SLCO1C1: variants seen among roughly 807,000 people sequenced by gnomAD.
SLCO1C1 encodes the protein OAT-RP-5.
Under a neutral mutation model 76.4 loss-of-function variants are expected in SLCO1C1, and 70 were observed. The ratio of observed to expected loss-of-function variants is 0.92; its 90% CI spans 0.76 to 1.12. SLCO1C1 has a LOEUF of 1.12. Ranked by LOEUF, SLCO1C1 falls within the 50% of genes most tolerant of loss-of-function variation. The pLI is 0.00. For missense variants in SLCO1C1, 912 were observed against 823.8 expected, an observed-to-expected ratio of 1.11 and a Z score of -1.31; for synonymous variants, 306 against 286.1, an observed-to-expected ratio of 1.07 and a Z score of -0.70.
rs1354943468 is a variant in SLCO1C1 at position 20,695,710 on chromosome 12, G to C, written c.-123G>C. On this transcript the variant is annotated 5_prime_UTR_variant, in exon 1 of 15. Transcript: ENST00000266509. ...GGCAAAATTGTTCAAAATTGCTGTGGAGTTTACCTCAGTTTCCTCTTTCAG... is the reference window on the plus strand; with the variant it reads ...GGCAAAATTGTTCAAAATTGCTGTGCAGTTTACCTCAGTTTCCTCTTTCAG... The C allele has an allele frequency of 1.3e-5, 2 of 152,042 alleles. No homozygotes were observed. The highest frequency in any genetic ancestry group is 4.8e-5 in the African/African-American group (2 of 41,368). 9.4% of individuals were successfully genotyped at this position (152,042 alleles called of 1,614,324 possible). A position where few individuals can be genotyped will look rare whatever the true frequency, so the allele number is the denominator to read the frequency against.
intron 5 of SLCO1C1, among the ~76,000 whole-genome samples, chr12:20,713,064 C>T (rs1312855724): frequency 2.7e-5 from 4 of 146,852 alleles, no homozygotes; most frequent in Non-Finnish European, 4.5e-5. Context: ...ATACAATGTA[C>T]GGCCAGGGAA....
chr12:20,751,841 C>G (rs546664984), intron 14 of SLCO1C1, among the ~76,000 whole-genome samples: 1 of 152,256 alleles, frequency 6.6e-6, no homozygotes, highest in African/African-American at 2.4e-5. Flanking sequence ...TTCTGCTTTA[C>G]TCAGAGCTCC....
chr12:20,744,572 G>A (rs1467672806), intron 13 of SLCO1C1, among the ~76,000 whole-genome samples: 4 of 151,962 alleles, frequency 2.6e-5, no homozygotes, highest in Non-Finnish European at 4.4e-5. Context: ...TAGAAAGATG[G>A]TCAAATTAGC....
At chr12:20,725,513 A>T (rs1378164886) in intron 9 of SLCO1C1, among the ~76,000 whole-genome samples, 1 of 147,700 alleles carries the variant, frequency 6.8e-6, no homozygotes, top group African/African-American at 2.5e-5. Context: ...AAAAGCAGAA[A>T]ACAACATTCC....
chr12:20,741,416 G>C (rs1948811313), intron 12 of SLCO1C1, among the ~76,000 whole-genome samples: 1 of 151,914 alleles, frequency 6.6e-6, no homozygotes, highest in Admixed American at 6.6e-5. Context: ...TTGATTTCTG[G>C]TATATTATAA....
intron 13 of SLCO1C1, among the ~76,000 whole-genome samples, chr12:20,744,209 G>A (rs1394697440): frequency 6.6e-6 from 1 of 152,046 alleles, no homozygotes; most frequent in Non-Finnish European, 1.5e-5. Context: ...GTATTAGCTA[G>A]AAAAGTGTCA....
At chr12:20,740,422 G>C (rs1948750339) in intron 12 of SLCO1C1, 54 bp downstream of exon 12, 1 of 1,487,194 alleles carries the variant, frequency 6.7e-7, no homozygotes, top group East Asian at 2.4e-5. Context: ...ATCATCTCGA[G>C]CAATGATTTA....
At position 20,721,563 on chromosome 12, in the gene SLCO1C1, C is replaced by CA. The variant is rs1041399159; in HGVS notation, c.776-234dup. 4.0e-5 allele frequency among the ~76,000 whole-genome samples: 6 copies of CA among 151,570 alleles called. No individual in the cohort carries two copies. In the South Asian group the frequency reaches 1.0e-3, roughly 26 times the overall value. On this transcript the variant is annotated intron_variant, in intron 7 of 14. Coordinates refer to ENST00000266509, the MANE Select transcript of SLCO1C1 (RefSeq NM_017435.5). ...CATAACTTTTGTATGCCCTGGGAAA[C>CA]AAAAAAATTGATGTGATTCTGTATT...
At chr12:20,730,533 A>C in intron 9 of SLCO1C1, among the ~76,000 whole-genome samples, 1 of 152,202 alleles carries the variant, frequency 6.6e-6, no homozygotes, top group South Asian at 2.1e-4. Flanking sequence ...ATTATTTTTG[A>C]AATAGTAATC....
intron 11 of SLCO1C1, among the ~76,000 whole-genome samples, chr12:20,738,338 T>A (rs556716832): frequency 6.6e-6 from 1 of 152,310 alleles, no homozygotes; most frequent in African/African-American, 2.4e-5. Context: ...TCTCTGAGAC[T>A]GCTTTCTATT....
intron 7 of SLCO1C1, among the ~76,000 whole-genome samples, chr12:20,718,189 C>T (rs1030589146): frequency 6.6e-6 from 1 of 152,068 alleles, no homozygotes; most frequent in African/African-American, 2.4e-5. Flanking sequence ...ATGCGATGAG[C>T]AGTACAGAGG....
chr12:20,701,707 T>A lies in SLCO1C1; in HGVS notation c.271+248T>A, dbSNP rs185909120. 7.2e-5 allele frequency among the ~76,000 whole-genome samples: 11 copies of A among 151,832 alleles called. No individual in the cohort carries two copies. The East Asian group carries it at 2.1e-3, about 30-fold the overall frequency. ...GGTTCACACAATTCAGAGTTCTACA[T>A]CAGAGTAAGTGACTTTCTTGGAGGA... On this transcript the variant is annotated intron_variant, in intron 3 of 14. Transcript: ENST00000266509.
intron 7 of SLCO1C1, among the ~76,000 whole-genome samples, chr12:20,717,885 A>T (rs1592259688): frequency 6.6e-6 from 1 of 151,734 alleles, no homozygotes; most frequent in Non-Finnish European, 1.5e-5. Context: ...GTATTTTTTT[A>T]AAGAATTCCA....
chr12:20,717,380 T>C (rs1947413653), intron 7 of SLCO1C1, 150 bp downstream of exon 7: 1 of 517,468 alleles, frequency 1.9e-6, no homozygotes, highest in Non-Finnish European at 3.3e-6. Flanking sequence ...AATATAGTTA[T>C]ACAGATTAAT....
At chr12:20,701,234 T>G in intron 2 of SLCO1C1, 84 bp from the exon 3 acceptor site, 2 of 1,266,414 alleles carry the variant, frequency 1.6e-6, no homozygotes, top group Non-Finnish European at 2.1e-6. Context: ...TGTTGTTTGT[T>G]TTGTATTTGT....
At chr12:20,743,407 G>A (rs750812459) in intron 13 of SLCO1C1, 38 bp downstream of exon 13, 17 of 1,484,954 alleles carry the variant, frequency 1.1e-5, no homozygotes, top group African/African-American at 2.8e-5. Context: ...GGTAGACACC[G>A]TAAGTGTATT....
At chr12:20,701,067 T>C (rs1946500441) in intron 2 of SLCO1C1, among the ~76,000 whole-genome samples, 1 of 152,074 alleles carries the variant, frequency 6.6e-6, no homozygotes, top group African/African-American at 2.4e-5. Flanking sequence ...CAAAAGATAA[T>C]TCAATACACA....
At chr12:20,740,518 A>AC (rs1948754075) in intron 12 of SLCO1C1, 150 bp downstream of exon 12, 1 of 665,150 alleles carries the variant, frequency 1.5e-6, no homozygotes, top group South Asian at 2.2e-5. Flanking sequence ...TATATATCGC[A>AC]CTTTGGGTAT....
chr12:20,727,849 C>G (rs1160336848), intron 9 of SLCO1C1, among the ~76,000 whole-genome samples: 1 of 152,146 alleles, frequency 6.6e-6, no homozygotes, highest in Non-Finnish European at 1.5e-5. Flanking sequence ...TGTCCGTTGT[C>G]TACTTTTTAA....
Sources: allele counts gnomAD v4.1 joint callset (sites outside exome capture counted in the v4.1 genomes callset), GRCh38; gene constraint gnomAD v4.1.1; transcripts MANE v1.5; gene names NCBI Gene and HGNC (gene_info 2026-07-23, HGNC 2026-07-21).